PTPRN2: variants seen among roughly 807,000 people sequenced by gnomAD.
The protein encoded by PTPRN2 is receptor-type tyrosine-protein phosphatase N2.
Under a neutral mutation model 118.8 loss-of-function variants are expected in PTPRN2, and 74 were observed. That is an observed-to-expected ratio of 0.62 (90% CI 0.52 to 0.76). The LOEUF is 0.76. PTPRN2 is among the 30% of genes least tolerant of loss of function. PTPRN2 has a pLI of 0.00. For synonymous variants in PTPRN2, 641 were observed against 608.0 expected (o/e 1.05, Z -0.80); for missense variants, 1,481 against 1,394.4 (o/e 1.06, Z -0.99).
chr7:158,113,422 C>A (rs556635127), intron 9 of PTPRN2, among the ~76,000 whole-genome samples: 1 of 152,252 alleles, frequency 6.6e-6, no homozygotes, highest in Admixed American at 6.5e-5. Flanking sequence ...AGTGATGAGA[C>A]AAGGTGCTGG....
intron 2 of PTPRN2, among the ~76,000 whole-genome samples, chr7:158,370,178 C>T (rs1809856208): frequency 6.6e-6 from 1 of 152,202 alleles, no homozygotes; most frequent in Non-Finnish European, 1.5e-5. Flanking sequence ...TGGCTCATGC[C>T]TGTAATCTCA....
At chr7:158,557,155 G>A (rs1209069839) in intron 1 of PTPRN2, among the ~76,000 whole-genome samples, 3 of 111,088 alleles carry the variant, frequency 2.7e-5, no homozygotes, top group South Asian at 3.1e-4. Flanking sequence ...CAGGGCAGGC[G>A]GCTCCCACGC....
Position 158,238,649 on chromosome 7 carries a change from G to A in PTPRN2, c.278-33376C>T, listed in dbSNP as rs3752373. On this transcript the variant is annotated intron_variant, in intron 3 of 22. Transcript: ENST00000389418. The stretch of plus-strand genomic sequence containing the variant: ...TCCCAGGTCATGTTATTAAGAAGTG[G>A]GTGCCCAGGAAGCACGGGTCGCAGC... Among the ~76,000 whole-genome samples, 182 of 152,246 alleles carry A rather than the reference G, an allele frequency of 1.2e-3. No individual in the cohort carries two copies. In the East Asian group the frequency reaches 0.017, roughly 14 times the overall value.
intron 12 of PTPRN2, among the ~76,000 whole-genome samples, chr7:157,703,856 C>T (rs1237724236): frequency 1.3e-5 from 2 of 152,120 alleles, no homozygotes. Flanking sequence ...GGTGAGGCTG[C>T]CTCTCCCCTG....
chr7:157,710,537 C>T (rs978184022), intron 12 of PTPRN2, among the ~76,000 whole-genome samples: 4 of 141,086 alleles, frequency 2.8e-5, no homozygotes, highest in Non-Finnish European at 6.1e-5. Context: ...GACATGGCTG[C>T]GGGGTCCCGC....
chr7:157,547,784 G>C (rs1287859364), intron 22 of PTPRN2, among the ~76,000 whole-genome samples: 3 of 152,190 alleles, frequency 2.0e-5, no homozygotes, highest in African/African-American at 4.8e-5. Context: ...CCTGACCATG[G>C]GGGACGTGGG....
chr7:157,620,808 G>T (rs1473678932), intron 15 of PTPRN2, among the ~76,000 whole-genome samples: 1 of 152,180 alleles, frequency 6.6e-6, no homozygotes, highest in Non-Finnish European at 1.5e-5. Flanking sequence ...CAGGCGGGGG[G>T]TGCCGGGAAG....
intron 11 of PTPRN2, among the ~76,000 whole-genome samples, chr7:157,942,111 G>A (rs533042762): frequency 3.4e-5 from 5 of 146,222 alleles, no homozygotes; most frequent in South Asian, 2.2e-4. Flanking sequence ...CTCCACACAC[G>A]AGGGTCCTCA....
intron 10 of PTPRN2, among the ~76,000 whole-genome samples, chr7:158,090,038 C>T (rs13308842): frequency 5.0e-4 from 9 of 17,916 alleles, no homozygotes; most frequent in Admixed American, 1.3e-3. Flanking sequence ...CCTCCCCTGA[C>T]GAAAGAGGGA....
chr7:158,334,561 A>C (rs1408396821), intron 2 of PTPRN2, among the ~76,000 whole-genome samples: 1 of 106,100 alleles, frequency 9.4e-6, no homozygotes, highest in Non-Finnish European at 2.1e-5. Flanking sequence ...TCTCACCATA[A>C]GAGCTCTCGC....
intron 12 of PTPRN2, among the ~76,000 whole-genome samples, chr7:157,728,673 G>A (rs1452209266): frequency 2.6e-5 from 4 of 152,184 alleles, no homozygotes; most frequent in Non-Finnish European, 5.9e-5. Context: ...GCCTGTCTGC[G>A]GCTCCTTCCT....
At chr7:157,573,733 G>GC (rs1799874765) in intron 19 of PTPRN2, among the ~76,000 whole-genome samples, 1 of 152,146 alleles carries the variant, frequency 6.6e-6, no homozygotes, top group African/African-American at 2.4e-5. Context: ...GGCTACGATG[G>GC]CCTCAACCTG....
intron 2 of PTPRN2, among the ~76,000 whole-genome samples, chr7:158,441,302 A>G (rs1817142033): frequency 1.0e-5 from 1 of 96,718 alleles, no homozygotes; most frequent in African/African-American, 3.6e-5. Context: ...TGATGGTGAT[A>G]GTAATGGTGA....
intron 11 of PTPRN2, among the ~76,000 whole-genome samples, chr7:157,956,555 G>T (rs1309086077): frequency 6.6e-6 from 1 of 152,254 alleles, no homozygotes; most frequent in Non-Finnish European, 1.5e-5. Context: ...TCTACCAGTT[G>T]CTATTTCTTG....
rs139084136 is a variant in PTPRN2 at position 157,700,385 on chromosome 7, C to T, written c.1789-17448G>A. 4.1e-4 allele frequency among the ~76,000 whole-genome samples: 62 copies of T among 152,332 alleles called. No homozygotes were observed. In the East Asian group the frequency reaches 5.6e-3, roughly 14 times the overall value. On this transcript the variant is annotated intron_variant, in intron 12 of 22. Coordinates refer to ENST00000389418, the MANE Select transcript of PTPRN2 (RefSeq NM_002847.5). ...CCAGGCTCACTTGTCCAAGCACGTT[C>T]GCAACAGAGTCAGTTACTTTTCCTC...
At chr7:157,772,340 G>GACACAC (rs1267813253) in intron 12 of PTPRN2, among the ~76,000 whole-genome samples, 1 of 133,956 alleles carries the variant, frequency 7.5e-6, no homozygotes, top group African/African-American at 3.2e-5. Flanking sequence ...CATACACACA[G>GACACAC]ACATACACAC....
intron 12 of PTPRN2, among the ~76,000 whole-genome samples, chr7:157,756,304 A>AT (rs3043661): frequency 0.033 from 4,751 of 145,150 alleles, 124 homozygotes; most frequent in African/African-American, 0.082. Flanking sequence ...CTTTTAATTA[A>AT]TTTTTTTTTT....
intron 15 of PTPRN2, among the ~76,000 whole-genome samples, chr7:157,614,649 G>T (rs879522356): frequency 1.9e-4 from 29 of 152,120 alleles, no homozygotes; most frequent in African/African-American, 7.0e-4. Context: ...CCTGTGTGAC[G>T]ACCCCAACCC....
At chr7:158,516,631 CTGTTCTTGGTGCTCCTGCCTAT>C (rs1823586176) in intron 1 of PTPRN2, among the ~76,000 whole-genome samples, 1 of 151,880 alleles carries the variant, frequency 6.6e-6, no homozygotes, top group Non-Finnish European at 1.5e-5. Context: ...GTTCCTGGTG[CTGTTCTTGGTGCTCCTGCCTAT>C]TGTTCTTGGT....
Sources: gnomAD v4.1 joint callset for allele counts (sites outside exome capture counted in the v4.1 genomes callset) on GRCh38, gnomAD v4.1.1 for gene constraint, MANE v1.5 for transcripts, NCBI Gene and HGNC (gene_info 2026-07-23, HGNC 2026-07-21) for gene names.